Variants in C1QTNF7 observed in about 807,000 individuals in gnomAD.
C1QTNF7 encodes C1q and TNF related 7.
C1QTNF7 carries 15 observed loss-of-function variants against 19.6 expected under a neutral mutation model. The ratio of observed to expected loss-of-function variants is 0.76; its 90% CI spans 0.51 to 1.18. C1QTNF7 has a LOEUF of 1.18. C1QTNF7 is among the 50% of genes most tolerant of loss of function. The probability of loss-of-function intolerance (pLI) is 0.00; values close to 1 mark genes in which losing one functional copy is unlikely to be tolerated. For synonymous variants in C1QTNF7, 142 were observed against 137.5 expected, an observed-to-expected ratio of 1.03 and a Z score of -0.23; for missense variants, 324 against 359.7, an observed-to-expected ratio of 0.90 and a Z score of 0.80.
intron 1 of C1QTNF7, among the ~76,000 whole-genome samples, chr4:15,370,529 C>CAG (rs1560345136): frequency 4.6e-5 from 7 of 151,540 alleles, no homozygotes; most frequent in South Asian, 2.1e-4. Context: ...TCTGTTCCCT[C>CAG]AGAGAGAGAG....
intron 1 of C1QTNF7, among the ~76,000 whole-genome samples, chr4:15,386,174 C>G (rs895606179): frequency 6.6e-6 from 1 of 152,186 alleles, no homozygotes; most frequent in African/African-American, 2.4e-5. Flanking sequence ...TGGGCTCCTA[C>G]TCAGGAGTTT....
At chr4:15,432,071 G>A (rs536012165) in intron 1 of C1QTNF7, among the ~76,000 whole-genome samples, 4 of 152,244 alleles carry the variant, frequency 2.6e-5, no homozygotes, top group East Asian at 1.9e-4. Flanking sequence ...TAGACAATGC[G>A]AAGAGACACG....
At chr4:15,393,386 G>A (rs1435195189) in intron 1 of C1QTNF7, among the ~76,000 whole-genome samples, 1 of 152,122 alleles carries the variant, frequency 6.6e-6, no homozygotes, top group Non-Finnish European at 1.5e-5. Flanking sequence ...TTCCACTGTG[G>A]TAAGAACCTA....
chr4:15,350,184 A>AG, intron 1 of C1QTNF7, among the ~76,000 whole-genome samples: 2 of 117,952 alleles, frequency 1.7e-5, no homozygotes, highest in African/African-American at 3.2e-5. Context: ...GGAGGGAGGC[A>AG]GGAAGGAAGG....
In C1QTNF7 at chr4:15,442,919, T is replaced by A; in HGVS notation, c.*120T>A. The A allele has an allele frequency of 9.0e-7, 1 of 1,106,628 alleles. No individual in the cohort carries two copies. 68.6% of individuals were successfully genotyped at this position (1,106,628 alleles called of 1,614,324 possible). On this transcript the variant is annotated 3_prime_UTR_variant, in exon 3 of 3. Transcript: ENST00000444304. ...AGATTCTAAAGCATTTAAAGACAAT[T>A]CTAGCAGAATTTATCAAAACAAGAT...
At chr4:15,368,781 T>A (rs1717621682) in intron 1 of C1QTNF7, among the ~76,000 whole-genome samples, 1 of 152,216 alleles carries the variant, frequency 6.6e-6, no homozygotes, top group African/African-American at 2.4e-5. Context: ...AGCAGCATGA[T>A]TTATAATCCT....
chr4:15,395,312 G>A (rs1718743591), intron 1 of C1QTNF7, among the ~76,000 whole-genome samples: 1 of 152,170 alleles, frequency 6.6e-6, no homozygotes, highest in Non-Finnish European at 1.5e-5. Flanking sequence ...CCATAAAAGA[G>A]ATGGTGGGGG....
intron 1 of C1QTNF7, among the ~76,000 whole-genome samples, chr4:15,417,158 T>C (rs752418149): frequency 1.3e-4 from 20 of 152,256 alleles, no homozygotes; most frequent in Non-Finnish European, 2.6e-4. Flanking sequence ...AATTTTTTTA[T>C]TGAAATGAAA....
chr4:15,360,651 C>CA (rs1257952570), intron 1 of C1QTNF7, among the ~76,000 whole-genome samples: 2 of 151,982 alleles, frequency 1.3e-5, no homozygotes, highest in Admixed American at 6.6e-5. Context: ...AATATACTGC[C>CA]AAAAAGGACA....
intron 1 of C1QTNF7, among the ~76,000 whole-genome samples, chr4:15,416,761 T>C (rs1341726274): frequency 6.6e-6 from 1 of 152,242 alleles, no homozygotes; most frequent in African/African-American, 2.4e-5. Flanking sequence ...CAGGTTAGCA[T>C]TGCATTATTG....
intron 1 of C1QTNF7, 118 bp from the exon 2 acceptor site, chr4:15,435,618 G>T (rs1048143446): frequency 3.6e-6 from 5 of 1,407,730 alleles, no homozygotes; most frequent in African/African-American, 1.4e-5. Flanking sequence ...CTGGAAAGAC[G>T]AACACTGGAG....
At chr4:15,392,747 C>A (rs1297924818) in intron 1 of C1QTNF7, among the ~76,000 whole-genome samples, 1 of 152,026 alleles carries the variant, frequency 6.6e-6, no homozygotes, top group Non-Finnish European at 1.5e-5. Flanking sequence ...CCTCACCTAG[C>A]AAAAAACACC....
At chr4:15,385,079 G>T (rs187685832) in intron 1 of C1QTNF7, among the ~76,000 whole-genome samples, 1 of 152,328 alleles carries the variant, frequency 6.6e-6, no homozygotes, top group African/African-American at 2.4e-5. Flanking sequence ...CCAAGCTCTT[G>T]TAAATAAGTA....
In C1QTNF7 at chr4:15,445,947, A is replaced by C. The variant is rs1422131843; in HGVS notation, c.*3148A>C. ...AAAAAAAAAGAAAATAATGAGGCTA[A>C]TATAATGCTGTGTGTACATGAACAT... is the stretch of plus-strand genomic sequence containing the variant. On this transcript the variant is annotated 3_prime_UTR_variant, in exon 3 of 3. Transcript: ENST00000444304. 6.6e-6 allele frequency: 1 copy of C among 152,212 alleles called. No individual in the cohort carries two copies. The highest frequency in any genetic ancestry group is 1.9e-4 in the East Asian group (1 of 5,206). The allele number at this position is 152,212 out of a possible 1,614,324, so 9.4% of individuals were successfully genotyped here.
At chr4:15,354,620 T>A (rs1451439951) in intron 1 of C1QTNF7, among the ~76,000 whole-genome samples, 1 of 151,976 alleles carries the variant, frequency 6.6e-6, no homozygotes, top group Admixed American at 6.6e-5. Context: ...GTGGTTCACA[T>A]TGGATGGTCT....
chr4:15,408,549 T>C (rs1262623830), intron 1 of C1QTNF7, among the ~76,000 whole-genome samples: 1 of 152,088 alleles, frequency 6.6e-6, no homozygotes, highest in Non-Finnish European at 1.5e-5. Flanking sequence ...TGGATAAGTA[T>C]GTATGTACAG....
chr4:15,439,976 C>T (rs973128733), intron 2 of C1QTNF7, among the ~76,000 whole-genome samples: 4 of 150,598 alleles, frequency 2.7e-5, no homozygotes, highest in Non-Finnish European at 5.9e-5. Context: ...AAATCAATGT[C>T]TTATATAGAT....
intron 1 of C1QTNF7, among the ~76,000 whole-genome samples, chr4:15,345,763 T>C (rs1011968972): frequency 7.9e-5 from 12 of 152,216 alleles, no homozygotes; most frequent in Non-Finnish European, 7.3e-5. Flanking sequence ...TTACTCAGTT[T>C]GCCAGCGGAG....
chr4:15,369,145 T>A (rs1717633742), intron 1 of C1QTNF7, among the ~76,000 whole-genome samples: 1 of 152,174 alleles, frequency 6.6e-6, no homozygotes, highest in African/African-American at 2.4e-5. Context: ...TCGCTTGTGG[T>A]TAGTGAGTCA....
Sources: gnomAD v4.1 joint callset for allele counts (sites outside exome capture counted in the v4.1 genomes callset) on GRCh38, gnomAD v4.1.1 for gene constraint, MANE v1.5 for transcripts, NCBI Gene and HGNC (gene_info 2026-07-23, HGNC 2026-07-21) for gene names.